Variants in UTRN observed in about 807,000 individuals in gnomAD.
UTRN encodes the protein dystrophin-related protein 1.
A neutral mutation model predicts 463.9 loss-of-function variants in UTRN; 283 were observed. The ratio of observed to expected loss-of-function variants is 0.61; its 90% CI spans 0.55 to 0.67. The LOEUF is 0.67. Among genes scored for constraint, UTRN ranks in the 30% least tolerant of loss-of-function variants. The pLI, the probability that UTRN is intolerant of heterozygous loss-of-function variation, is 0.00. For synonymous variants in UTRN, 1,442 were observed against 1,431.5 expected, an observed-to-expected ratio of 1.01 and a Z score of -0.17; for missense variants, 3,922 against 4,084.3, an observed-to-expected ratio of 0.96 and a Z score of 1.08.
At chr6:144,595,249 G>A (rs1313898106) in intron 51 of UTRN, among the ~76,000 whole-genome samples, 3 of 152,144 alleles carry the variant, frequency 2.0e-5, no homozygotes, top group African/African-American at 7.2e-5. Flanking sequence ...TAATGTTTAT[G>A]AATTTGCTAT....
intron 48 of UTRN, among the ~76,000 whole-genome samples, chr6:144,553,655 G>A (rs1179588436): frequency 6.6e-6 from 1 of 152,128 alleles, no homozygotes; most frequent in Non-Finnish European, 1.5e-5. Context: ...GTTGGCTCAT[G>A]CCTGTAATCC....
rs951928526 is a variant in UTRN, at chr6:144,553,944, G to T, written c.6929-744G>T. ...AAAAAAAAAAAAAAAAGTTTCCTTA[G>T]ATCTGTCTGTCCTTAAAACCTTGTT... On this transcript the variant is annotated intron_variant, in intron 48 of 74. Coordinates refer to ENST00000367545, the MANE Select transcript of UTRN (RefSeq NM_007124.3). Among the ~76,000 whole-genome samples, 13 of 149,262 alleles carry T rather than the reference G, an allele frequency of 8.7e-5. 1 individual carries two copies. In the South Asian group the frequency reaches 2.6e-3, roughly 29 times the overall value.
chr6:144,629,470 A>G (rs1467989361), intron 51 of UTRN, among the ~76,000 whole-genome samples: 1 of 152,244 alleles, frequency 6.6e-6, no homozygotes, highest in Non-Finnish European at 1.5e-5. Context: ...AACAATCACT[A>G]TTCCAAGTTA....
At chr6:144,356,088 G>T (rs1442809275) in intron 2 of UTRN, among the ~76,000 whole-genome samples, 1 of 152,162 alleles carries the variant, frequency 6.6e-6, no homozygotes, top group Non-Finnish European at 1.5e-5. Flanking sequence ...AACCTCAAAA[G>T]GGGGAAGGTT....
intron 6 of UTRN, 84 bp from the exon 7 acceptor site, chr6:144,426,203 T>C: frequency 1.3e-6 from 2 of 1,494,642 alleles, no homozygotes; most frequent in South Asian, 1.3e-5. Flanking sequence ...AGTGCAATAT[T>C]GCTTTTTCAA....
intron 51 of UTRN, among the ~76,000 whole-genome samples, chr6:144,646,410 C>T (rs756761487): frequency 6.6e-6 from 1 of 152,096 alleles, no homozygotes; most frequent in African/African-American, 2.4e-5. Context: ...TACTAGGTTC[C>T]TCTGTGGCTG....
intron 9 of UTRN, among the ~76,000 whole-genome samples, chr6:144,434,454 A>G (rs1036106956): frequency 6.6e-6 from 1 of 152,200 alleles, no homozygotes; most frequent in Non-Finnish European, 1.5e-5. Context: ...CCAGGTTTGT[A>G]GCTGGAGTAC....
intron 2 of UTRN, among the ~76,000 whole-genome samples, chr6:144,368,805 G>A (rs1779734579): frequency 6.6e-6 from 1 of 151,974 alleles, no homozygotes; most frequent in African/African-American, 2.4e-5. Flanking sequence ...TAAATGATAA[G>A]GTTTTTTAAA....
Position 144,479,794 on chromosome 6 carries a change from A to G in UTRN, c.3337-18A>G. Reference sequence around the variant, plus strand: ...CATTAACATTTGTTTATTTGGGGGAATGGCTTTTCCTTTGTAGATCGCTAC... The same window carrying G: ...CATTAACATTTGTTTATTTGGGGGAGTGGCTTTTCCTTTGTAGATCGCTAC... On this transcript the variant is annotated intron_variant, in intron 25 of 74. Coordinates refer to ENST00000367545, the MANE Select transcript of UTRN (RefSeq NM_007124.3). The G allele has an allele frequency of 3.7e-6, 6 of 1,603,566 alleles. No individual in the cohort carries two copies. Among genetic ancestry groups the G allele is most frequent in the Non-Finnish European group, 5.1e-6 (6 of 1,175,630 alleles).
At chr6:144,542,002 T>A (rs1439252844) in intron 45 of UTRN, among the ~76,000 whole-genome samples, 1 of 152,206 alleles carries the variant, frequency 6.6e-6, no homozygotes, top group Non-Finnish European at 1.5e-5. Context: ...TTCTCAGAGA[T>A]GAGATCCTGG....
At chr6:144,486,772 G>A (rs1416867615) in intron 28 of UTRN, among the ~76,000 whole-genome samples, 4 of 152,050 alleles carry the variant, frequency 2.6e-5, no homozygotes, top group Non-Finnish European at 4.4e-5. Context: ...CACCCGCTTC[G>A]GCCTCCCAAT....
chr6:144,442,213 C>A (rs776638374), intron 13 of UTRN, among the ~76,000 whole-genome samples: 1 of 152,194 alleles, frequency 6.6e-6, no homozygotes, highest in Non-Finnish European at 1.5e-5. Flanking sequence ...GCAAATTTCT[C>A]AAACTTTTAT....
intron 69 of UTRN, among the ~76,000 whole-genome samples, chr6:144,832,718 A>T (rs1282648739): frequency 6.6e-6 from 1 of 152,050 alleles, no homozygotes; most frequent in Non-Finnish European, 1.5e-5. Context: ...TCCTTATATT[A>T]GTTCTTATTT....
chr6:144,700,140 A>G lies in UTRN; in HGVS notation c.7706A>G (p.Glu2569Gly), dbSNP rs1784435138. 1 of 1,613,540 alleles carries G rather than the reference A, an allele frequency of 6.2e-7. No individual in the cohort carries two copies. The highest frequency in any genetic ancestry group is 1.7e-5 in the Admixed American group (1 of 59,972). ...TGGAACAGGTTGCTGATGTCCTTAG[A>G]AGAACTGATCAAATGGCTGAATATG... is the stretch of plus-strand genomic sequence containing the variant. ...EKWNRLLMSL[E>G]ELIKWLNMKD... is the part of the protein sequence containing the mutation. The change falls in exon 53 of 75, where the codon GAA becomes GGA. Residue 2569 changes from glutamate to glycine, a missense_variant. Transcript: ENST00000367545.
intron 51 of UTRN, among the ~76,000 whole-genome samples, chr6:144,587,626 C>A (rs1444165108): frequency 6.6e-6 from 1 of 152,058 alleles, no homozygotes; most frequent in Non-Finnish European, 1.5e-5. Context: ...GTATTTTCGA[C>A]CGGTTGAATT....
At chr6:144,425,637 C>T (rs1173318665) in intron 6 of UTRN, among the ~76,000 whole-genome samples, 1 of 151,954 alleles carries the variant, frequency 6.6e-6, no homozygotes, top group African/African-American at 2.4e-5. Context: ...TTCATTTATT[C>T]ATTTATGTAT....
intron 65 of UTRN, among the ~76,000 whole-genome samples, chr6:144,807,287 A>T (rs1778232473): frequency 6.6e-6 from 1 of 152,122 alleles, no homozygotes; most frequent in Admixed American, 6.6e-5. Flanking sequence ...TTTTGCCAAT[A>T]TATCTGCTTA....
intron 18 of UTRN, among the ~76,000 whole-genome samples, chr6:144,452,663 G>T (rs1643865807): frequency 1.3e-5 from 2 of 151,996 alleles, no homozygotes; most frequent in African/African-American, 2.4e-5. Context: ...CAAAATGTGG[G>T]TTGGGCTTGC....
rs548838601 is a variant in UTRN at position 144,485,060 on chromosome 6, C to T, written c.3688-325C>T. Among the ~76,000 whole-genome samples the T allele has an allele frequency of 3.4e-4, 52 of 151,788 alleles. No homozygotes were observed. In the East Asian group the frequency reaches 7.6e-3, roughly 22 times the overall value. On this transcript the variant is annotated intron_variant, in intron 27 of 74. Transcript: ENST00000367545. ...CAGAGTAGCTGGGACTACAGGCATC[C>T]GCCACCACACCCGGCTAATATTTTT...
Sources: gnomAD v4.1 joint callset for allele counts (sites outside exome capture counted in the v4.1 genomes callset) on GRCh38, gnomAD v4.1.1 for gene constraint, MANE v1.5 for transcripts, NCBI Gene and HGNC (gene_info 2026-07-23, HGNC 2026-07-21) for gene names.